The following UTRN variants were observed in gnomAD, a reference collection of about 807,000 sequenced individuals.
UTRN encodes the protein dystrophin-related protein 1.
A neutral mutation model predicts 463.9 loss-of-function variants in UTRN; 283 were observed. The observed-to-expected ratio is 0.61, with a 90% CI of 0.55 to 0.67. UTRN has a LOEUF of 0.67. Ranked by LOEUF, UTRN falls within the 30% of genes least tolerant of loss-of-function variation. The probability of loss-of-function intolerance (pLI) is 0.00; values close to 1 mark genes in which losing one functional copy is unlikely to be tolerated. For synonymous variants in UTRN, 1,442 were observed against 1,431.5 expected, an observed-to-expected ratio of 1.01 and a Z score of -0.17; for missense variants, 3,922 against 4,084.3, an observed-to-expected ratio of 0.96 and a Z score of 1.08.
chr6:144,577,627 T>C (rs1801565727), intron 51 of UTRN, among the ~76,000 whole-genome samples: 1 of 152,200 alleles, frequency 6.6e-6, no homozygotes, highest in African/African-American at 2.4e-5. Context: ...TGTGAAGTTG[T>C]TTCTTTCTCC....
At chr6:144,640,695 G>A (rs145907957) in intron 51 of UTRN, among the ~76,000 whole-genome samples, 292 of 151,970 alleles carry the variant, frequency 1.9e-3, no homozygotes, top group African/African-American at 6.7e-3. Flanking sequence ...TATTATTAGG[G>A]GTTTGTATGA....
intron 64 of UTRN, among the ~76,000 whole-genome samples, chr6:144,798,533 G>A (rs1017568706): frequency 1.8e-4 from 27 of 152,300 alleles, no homozygotes; most frequent in African/African-American, 5.3e-4. Context: ...CCCCAAAGCC[G>A]ACAGTGCAGA....
chr6:144,459,115 A>G lies in UTRN; in HGVS notation c.2527-59A>G, dbSNP rs1789158357. 4 of 1,578,254 alleles carry G rather than the reference A, an allele frequency of 2.5e-6. No homozygotes were observed. The Admixed American group carries it at 7.1e-5, about 28-fold the overall frequency. On this transcript the variant is annotated intron_variant, in intron 20 of 74. Transcript: ENST00000367545. ...CTTTAAGTTAATGCTGCCCTGATTA[A>G]CTTCCTGTGAGGATGTTCATCTTCA...
chr6:144,557,260 T>A lies in UTRN; in HGVS notation c.7238T>A (p.Val2413Glu). The A allele has an allele frequency of 3.7e-6, 6 of 1,613,892 alleles. No homozygotes were observed. Among genetic ancestry groups the A allele is most frequent in the Non-Finnish European group, 5.1e-6 (6 of 1,179,874 alleles). The change falls in exon 50 of 75, where the codon GTG (valine) becomes GAG (glutamate). Residue 2413 changes from valine to glutamate, a missense_variant. This residue lies in a region of UTRN where 1,309 missense variants were observed against 1,452.6 expected (regional missense o/e 0.90). Coordinates refer to ENST00000367545, the MANE Select transcript of UTRN (RefSeq NM_007124.3). Reference protein sequence around the residue: ...EEYGSDDTRNVKETTEYLKTS... With the variant: ...EEYGSDDTRNEKETTEYLKTS... Reference sequence around the variant, plus strand: ...TATGGGAGTGATGACACAAGGAATGTGAAAGAAACCACAGAGTACTTAAAA... The same window carrying A: ...TATGGGAGTGATGACACAAGGAATGAGAAAGAAACCACAGAGTACTTAAAA...
chr6:144,428,886 T>C lies in UTRN; in HGVS notation c.687T>C (p.Asp229=), dbSNP rs114053210. The C allele has an allele frequency of 8.4e-4, 1,343 of 1,601,680 alleles. 9 individuals carry two copies. In the African/African-American group the frequency reaches 0.016, roughly 19 times the overall value. The change falls in exon 8 of 75, where the codon GAT becomes GAC. Residue 229 remains aspartate, a synonymous_variant. Transcript: ENST00000367545. ...ATTTGGGAATTGAAAAGCTGTTAGA[T>C]CCTGAAGGTATTGTCCAGTATTTAA... The part of the protein sequence containing the change: ...QTYLGIEKLL[D]PEDVAVQLPD...
At chr6:144,424,139 T>C (rs1212890350) in intron 6 of UTRN, 61 bp downstream of exon 6, 2 of 1,558,424 alleles carry the variant, frequency 1.3e-6, no homozygotes, top group East Asian at 4.5e-5. Context: ...GTCTTTTAGT[T>C]TCTTAAGGCT....
intron 51 of UTRN, among the ~76,000 whole-genome samples, chr6:144,654,968 A>T (rs549200777): frequency 2.0e-5 from 3 of 150,128 alleles, no homozygotes; most frequent in Non-Finnish European, 4.4e-5. Context: ...TTGAATGTCT[A>T]TTGGAATCTT....
chr6:144,850,716 C>T (rs1373607577), intron 74 of UTRN, among the ~76,000 whole-genome samples: 2 of 152,142 alleles, frequency 1.3e-5, no homozygotes, highest in African/African-American at 4.8e-5. Flanking sequence ...GTACCTTCAG[C>T]AGAAAGAAAT....
At chr6:144,305,604 A>G (rs1805660926) in intron 2 of UTRN, among the ~76,000 whole-genome samples, 1 of 152,260 alleles carries the variant, frequency 6.6e-6, no homozygotes, top group African/African-American at 2.4e-5. Context: ...GGGAAGAAGG[A>G]CTGGGCCAGG....
intron 63 of UTRN, among the ~76,000 whole-genome samples, chr6:144,797,036 G>A (rs1777282110): frequency 6.6e-6 from 1 of 152,112 alleles, no homozygotes; most frequent in Non-Finnish European, 1.5e-5. Flanking sequence ...ATTCTGCAAA[G>A]TACATCCATA....
chr6:144,403,241 G>A (rs2114797306), intron 3 of UTRN, 57 bp downstream of exon 3: 8 of 1,533,282 alleles, frequency 5.2e-6, no homozygotes, highest in Non-Finnish European at 6.3e-6. Flanking sequence ...GATTGAAGGA[G>A]TTTGGTTGGA....
At chr6:144,439,043 G>A (rs992458420) in intron 12 of UTRN, 148 bp downstream of exon 12, 2 of 845,422 alleles carry the variant, frequency 2.4e-6, no homozygotes, top group East Asian at 2.7e-5. Context: ...GGGTGGAATT[G>A]ATAGAGATGA....
At chr6:144,443,215 A>G (rs1375338549) in intron 13 of UTRN, among the ~76,000 whole-genome samples, 2 of 152,206 alleles carry the variant, frequency 1.3e-5, no homozygotes, top group East Asian at 1.9e-4. Context: ...AAGTGAGGCA[A>G]TCCAAACTGT....
chr6:144,586,538 A>G (rs1355342983), intron 51 of UTRN, among the ~76,000 whole-genome samples: 1 of 152,156 alleles, frequency 6.6e-6, no homozygotes, highest in African/African-American at 2.4e-5. Context: ...AAAAAAGCTG[A>G]TGTAAATGAT....
chr6:144,541,176 A>G (rs77922574), intron 45 of UTRN, among the ~76,000 whole-genome samples: 1 of 152,282 alleles, frequency 6.6e-6, no homozygotes, highest in African/African-American at 2.4e-5. Flanking sequence ...ATGGTTTTCT[A>G]TCTTGCTCAG....
intron 51 of UTRN, among the ~76,000 whole-genome samples, chr6:144,645,379 T>C (rs1405188570): frequency 6.6e-6 from 1 of 152,242 alleles, no homozygotes; most frequent in East Asian, 1.9e-4. Context: ...TAAAGTATTT[T>C]GTTTTGAAGA....
intron 50 of UTRN, among the ~76,000 whole-genome samples, chr6:144,562,181 A>G (rs1799988211): frequency 6.6e-6 from 1 of 152,164 alleles, no homozygotes; most frequent in Non-Finnish European, 1.5e-5. Flanking sequence ...TTAAAAAGAC[A>G]CAATTATTTA....
intron 34 of UTRN, among the ~76,000 whole-genome samples, chr6:144,509,476 A>G (rs1794994168): frequency 6.6e-6 from 1 of 151,988 alleles, no homozygotes; most frequent in East Asian, 1.9e-4. Context: ...TTCTTTTGGA[A>G]CAATATGCTC....
chr6:144,357,612 C>T (rs574931851), intron 2 of UTRN, among the ~76,000 whole-genome samples: 11 of 152,268 alleles, frequency 7.2e-5, no homozygotes, highest in African/African-American at 1.7e-4. Flanking sequence ...TCTACAAGAA[C>T]GGAATAGTCA....
Sources: allele counts gnomAD v4.1 joint callset (sites outside exome capture counted in the v4.1 genomes callset), GRCh38; gene constraint gnomAD v4.1.1; regional missense constraint gnomAD v4.1.1; transcripts MANE v1.5; gene names NCBI Gene and HGNC (gene_info 2026-07-23, HGNC 2026-07-21).